Variants in LRRC4C observed in about 807,000 individuals in gnomAD.
LRRC4C encodes leucine rich repeat containing 4C.
A neutral mutation model predicts 33.6 loss-of-function variants in LRRC4C; 5 were observed. The ratio of observed to expected loss-of-function variants is 0.15; its 90% CI spans 0.08 to 0.31. The LOEUF (loss-of-function observed/expected upper bound fraction) is 0.31, where lower values mean the gene tolerates loss of function less well. LRRC4C is among the 10% of genes least tolerant of loss of function. The pLI is 1.00. For synonymous variants in LRRC4C, 329 were observed against 302.0 expected, an observed-to-expected ratio of 1.09 and a Z score of -0.93; for missense variants, 560 against 796.7, an observed-to-expected ratio of 0.70 and a Z score of 3.58.
chr11:40,361,548 G>A (rs1045954317), intron 3 of LRRC4C, among the ~76,000 whole-genome samples: 2 of 152,130 alleles, frequency 1.3e-5, no homozygotes, highest in Non-Finnish European at 2.9e-5. Flanking sequence ...AGCTAACCAG[G>A]GAGGTGAAAT....
intron 2 of LRRC4C, among the ~76,000 whole-genome samples, chr11:40,661,557 C>G (rs1170182645): frequency 1.3e-5 from 2 of 152,208 alleles, no homozygotes; most frequent in Non-Finnish European, 2.9e-5. Flanking sequence ...CTGACTTTCT[C>G]ACCTTGAGCT....
chr11:41,161,665 G>T (rs973918245), intron 1 of LRRC4C, among the ~76,000 whole-genome samples: 1 of 152,144 alleles, frequency 6.6e-6, no homozygotes. Context: ...TTTTTGCATT[G>T]CATTGCTGGC....
intron 5 of LRRC4C, among the ~76,000 whole-genome samples, chr11:40,208,310 G>A (rs1863312613): frequency 6.6e-6 from 1 of 152,108 alleles, no homozygotes; most frequent in African/African-American, 2.4e-5. Flanking sequence ...TTTTCCACTG[G>A]GAGGGAGGGA....
chr11:41,332,341 G>GC (rs1555149009), intron 1 of LRRC4C, among the ~76,000 whole-genome samples: 1 of 152,048 alleles, frequency 6.6e-6, no homozygotes, highest in Non-Finnish European at 1.5e-5. Flanking sequence ...ATACTTTAGG[G>GC]TTTTTTTAAA....
At chr11:41,022,139 G>GTTTT (rs138056535) in intron 1 of LRRC4C, among the ~76,000 whole-genome samples, 96 of 106,772 alleles carry the variant, frequency 9.0e-4, no homozygotes, top group African/African-American at 2.9e-3. Flanking sequence ...TTACAATTTT[G>GTTTT]TTTTATATAT....
At chr11:40,947,643 G>C (rs775164720) in intron 1 of LRRC4C, among the ~76,000 whole-genome samples, 10 of 152,010 alleles carry the variant, frequency 6.6e-5, no homozygotes, top group Non-Finnish European at 1.5e-4. Context: ...CACCAGAACA[G>C]CTGAGAAGGA....
chr11:41,229,017 T>G (rs557529343), intron 1 of LRRC4C, among the ~76,000 whole-genome samples: 2 of 152,304 alleles, frequency 1.3e-5, no homozygotes, highest in South Asian at 4.1e-4. Flanking sequence ...TCTGGGGGTG[T>G]AAATTCTCCT....
intron 3 of LRRC4C, among the ~76,000 whole-genome samples, chr11:40,341,634 A>G (rs1946871509): frequency 6.6e-6 from 1 of 152,188 alleles, no homozygotes; most frequent in African/African-American, 2.4e-5. Flanking sequence ...ACATGTATAC[A>G]TATGTAACTA....
At chr11:41,203,883 C>G (rs2862035) in intron 1 of LRRC4C, among the ~76,000 whole-genome samples, 143,297 of 152,258 alleles carry the variant, frequency 0.94, 67,673 homozygotes, top group East Asian at 1. Flanking sequence ...CCTATGGGAG[C>G]CTGTCTTCTG....
intron 1 of LRRC4C, among the ~76,000 whole-genome samples, chr11:41,278,284 C>T: frequency 6.6e-6 from 1 of 152,130 alleles, no homozygotes. Flanking sequence ...CATCACTTAA[C>T]ATCATTCATA....
intron 1 of LRRC4C, among the ~76,000 whole-genome samples, chr11:40,984,413 A>AAGAAAG (rs1022391243): frequency 1.3e-5 from 1 of 75,252 alleles, no homozygotes; most frequent in Admixed American, 1.3e-4. Context: ...GAAAGAAAGA[A>AAGAAAG]AGAGAAAGAA....
Position 41,156,766 on chromosome 11 carries a change from TG to T in LRRC4C, c.-495-223044del, listed in dbSNP as rs566405935. Among the ~76,000 whole-genome samples, 92 of 152,098 alleles carry T rather than the reference TG, an allele frequency of 6.0e-4. 2 individuals carry two copies. In the South Asian group the frequency reaches 0.019, roughly 31 times the overall value. The stretch of plus-strand genomic sequence containing the variant: ...ATATGATAACTGAGGTGAGCCTTAC[TG>T]GGGAGGTGAGATTTGAGTGAAGGCT... On this transcript the variant is annotated intron_variant, in intron 1 of 6. Transcript: ENST00000528697.
intron 3 of LRRC4C, among the ~76,000 whole-genome samples, chr11:40,603,300 G>A (rs866563245): frequency 6.6e-6 from 1 of 152,186 alleles, no homozygotes; most frequent in African/African-American, 2.4e-5. Flanking sequence ...GTTGAAGTGG[G>A]TTTCTGAGCA....
intron 4 of LRRC4C, among the ~76,000 whole-genome samples, chr11:40,260,190 G>T (rs1395380563): frequency 5.8e-5 from 7 of 121,170 alleles, no homozygotes; most frequent in African/African-American, 2.2e-4. Flanking sequence ...TTAAGAAAAT[G>T]TGGCACATAT....
chr11:41,228,276 T>C (rs749617299), intron 1 of LRRC4C, among the ~76,000 whole-genome samples: 1 of 151,436 alleles, frequency 6.6e-6, no homozygotes, highest in Non-Finnish European at 1.5e-5. Context: ...AGATCAATGA[T>C]AGAGAGAGAG....
At chr11:40,325,138 G>A (rs941494547) in intron 3 of LRRC4C, among the ~76,000 whole-genome samples, 1 of 152,276 alleles carries the variant, frequency 6.6e-6, no homozygotes, top group Middle Eastern at 3.4e-3. Flanking sequence ...CCTGAAGAAT[G>A]AGAAAGAGCC....
chr11:41,026,122 T>G (rs1475636314), intron 1 of LRRC4C, among the ~76,000 whole-genome samples: 1 of 151,752 alleles, frequency 6.6e-6, no homozygotes, highest in Admixed American at 6.6e-5. Flanking sequence ...ATACATTTTG[T>G]AAGGCTATAG....
chr11:40,204,108 G>A (rs763675005), intron 5 of LRRC4C, among the ~76,000 whole-genome samples: 164 of 152,008 alleles, frequency 1.1e-3, no homozygotes, highest in Admixed American at 3.3e-3. Flanking sequence ...AGAGATGGGT[G>A]GTGGGGGGCG....
At chr11:40,937,120 G>A (rs1402537987) in intron 1 of LRRC4C, among the ~76,000 whole-genome samples, 1 of 152,170 alleles carries the variant, frequency 6.6e-6, no homozygotes, top group East Asian at 1.9e-4. Context: ...TAAATGTGAA[G>A]TATTATGCAA....
Sources: allele counts gnomAD v4.1 joint callset (sites outside exome capture counted in the v4.1 genomes callset), GRCh38; gene constraint gnomAD v4.1.1; transcripts MANE v1.5; gene names NCBI Gene and HGNC (gene_info 2026-07-23, HGNC 2026-07-21).